The following ZDHHC14 variants were observed in gnomAD, a reference collection of about 807,000 sequenced individuals.
The protein encoded by ZDHHC14 is palmitoyltransferase ZDHHC14.
A neutral mutation model predicts 47.7 loss-of-function variants in ZDHHC14; 16 were observed. The ratio of observed to expected loss-of-function variants is 0.34; its 90% CI spans 0.23 to 0.51. ZDHHC14 has a LOEUF of 0.51. ZDHHC14 is among the 20% of genes least tolerant of loss of function. The pLI is 0.97. For synonymous variants in ZDHHC14, 293 were observed against 278.9 expected (o/e 1.05, Z -0.50); for missense variants, 515 against 662.5 (o/e 0.78, Z 2.44).
At chr6:157,589,215 C>A (rs781119207) in intron 2 of ZDHHC14, among the ~76,000 whole-genome samples, 1 of 152,042 alleles carries the variant, frequency 6.6e-6, no homozygotes, top group Non-Finnish European at 1.5e-5. Context: ...ACCTTTTAAA[C>A]AATGAGATCT....
intron 3 of ZDHHC14, among the ~76,000 whole-genome samples, chr6:157,619,752 A>G (rs1221745559): frequency 6.6e-6 from 1 of 152,150 alleles, no homozygotes; most frequent in Non-Finnish European, 1.5e-5. Context: ...ATGCTGCAGA[A>G]TGTTAATTTA....
intron 1 of ZDHHC14, among the ~76,000 whole-genome samples, chr6:157,515,426 G>A (rs1171692851): frequency 6.6e-6 from 1 of 151,372 alleles, no homozygotes; most frequent in Admixed American, 6.6e-5. Context: ...CGAACTGGGC[G>A]CACCCTTCAT....
chr6:157,601,090 C>T (rs1177948706), intron 3 of ZDHHC14, among the ~76,000 whole-genome samples: 2 of 152,170 alleles, frequency 1.3e-5, no homozygotes, highest in Admixed American at 6.5e-5. Flanking sequence ...GCACGGGGCT[C>T]CTGACCCACA....
intron 2 of ZDHHC14, among the ~76,000 whole-genome samples, chr6:157,560,479 A>T (rs889967006): frequency 4.6e-5 from 7 of 152,246 alleles, no homozygotes; most frequent in Admixed American, 6.5e-5. Flanking sequence ...TACAATTTCA[A>T]TGAAAATATG....
At chr6:157,583,544 T>A (rs1783588963) in intron 2 of ZDHHC14, among the ~76,000 whole-genome samples, 1 of 152,158 alleles carries the variant, frequency 6.6e-6, no homozygotes, top group Non-Finnish European at 1.5e-5. Context: ...TTTTTTTGTT[T>A]TGTTTGTTTT....
rs184872749 is a variant in ZDHHC14, at chr6:157,443,470, A to T, written c.245+61204A>T. On this transcript the variant is annotated intron_variant, in intron 1 of 8. Transcript: ENST00000359775. ...GCTCTGCGGCTATCCCTTGACCTCA[A>T]CCTCAGCATTCTTTTAAGGGAAAGC... is the stretch of plus-strand genomic sequence containing the variant. Among the ~76,000 whole-genome samples the T allele has an allele frequency of 9.9e-5, 15 of 152,238 alleles. No individual in the cohort carries two copies. In the East Asian group the frequency reaches 2.5e-3, roughly 26 times the overall value.
At chr6:157,484,325 ATACGTATATATACAT>A (rs1409573631) in intron 1 of ZDHHC14, among the ~76,000 whole-genome samples, 29 of 136,876 alleles carry the variant, frequency 2.1e-4, no homozygotes, top group Admixed American at 6.0e-4. Flanking sequence ...ACACATATAT[ATACGTATATATACAT>A]TATACGTATA....
At chr6:157,465,145 T>G (rs138308905) in intron 1 of ZDHHC14, among the ~76,000 whole-genome samples, 3,596 of 150,862 alleles carry the variant, frequency 0.024, 56 homozygotes, top group African/African-American at 0.035. Context: ...TAATGGTTGT[T>G]TATTGGGTTG....
chr6:157,634,829 G>A (rs913795120), intron 5 of ZDHHC14, among the ~76,000 whole-genome samples: 2 of 152,228 alleles, frequency 1.3e-5, no homozygotes, highest in African/African-American at 4.8e-5. Context: ...GGAGGGGGAA[G>A]CACTTCCTCG....
At chr6:157,571,744 CA>C (rs1308308135) in intron 2 of ZDHHC14, among the ~76,000 whole-genome samples, 2 of 149,798 alleles carry the variant, frequency 1.3e-5, no homozygotes, top group African/African-American at 4.9e-5. Flanking sequence ...GCCCCTCCTG[CA>C]GATAAGAATC....
At chr6:157,526,679 C>T (rs1332462907) in intron 1 of ZDHHC14, among the ~76,000 whole-genome samples, 1 of 152,144 alleles carries the variant, frequency 6.6e-6, no homozygotes, top group Admixed American at 6.5e-5. Flanking sequence ...AAGGGGCTTC[C>T]CTACATGGCC....
intron 2 of ZDHHC14, among the ~76,000 whole-genome samples, chr6:157,587,236 T>C (rs1366427527): frequency 3.3e-5 from 5 of 152,204 alleles, no homozygotes; most frequent in Non-Finnish European, 7.3e-5. Flanking sequence ...AGGATTATTA[T>C]TAATCTAGGC....
At chr6:157,640,378 C>T (rs145645467) in intron 5 of ZDHHC14, among the ~76,000 whole-genome samples, 4,945 of 152,266 alleles carry the variant, frequency 0.032, 298 homozygotes, top group African/African-American at 0.11. Flanking sequence ...ATCTGAAAGG[C>T]ACAGTGGCCT....
At chr6:157,417,915 C>A (rs1778015812) in intron 1 of ZDHHC14, among the ~76,000 whole-genome samples, 1 of 150,242 alleles carries the variant, frequency 6.7e-6, no homozygotes, top group Non-Finnish European at 1.5e-5. Flanking sequence ...GATTGTGCCA[C>A]TGCACTCCAG....
chr6:157,390,686 AT>A (rs1777404274), intron 1 of ZDHHC14, among the ~76,000 whole-genome samples: 2 of 152,176 alleles, frequency 1.3e-5, no homozygotes, highest in South Asian at 4.1e-4. Flanking sequence ...AATTTTTGAT[AT>A]CTTTTTTTTA....
chr6:157,642,819 A>G (rs555060852), intron 5 of ZDHHC14, among the ~76,000 whole-genome samples: 2 of 152,350 alleles, frequency 1.3e-5, no homozygotes, highest in Non-Finnish European at 2.9e-5. Flanking sequence ...GTGGGCCAGT[A>G]AGGAATGTGT....
At chr6:157,553,175 C>G (rs1296073329) in intron 2 of ZDHHC14, among the ~76,000 whole-genome samples, 1 of 152,142 alleles carries the variant, frequency 6.6e-6, no homozygotes, top group Non-Finnish European at 1.5e-5. Flanking sequence ...TAACCAGATT[C>G]CAGGCGAAGG....
In ZDHHC14 at chr6:157,514,747, C is replaced by T. The variant is rs112402728; in HGVS notation, c.246-27838C>T. ...TGACCTTGGAAGGCTGACCCAGCCT[C>T]TCTTCCCCGCTGGGCGGTGGGGAGT... is the stretch of plus-strand genomic sequence containing the variant. On this transcript the variant is annotated intron_variant, in intron 1 of 8. Coordinates refer to ENST00000359775, the MANE Select transcript of ZDHHC14 (RefSeq NM_024630.3). Among the ~76,000 whole-genome samples the T allele has an allele frequency of 4.4e-3, 664 of 152,334 alleles. 3 individuals carry two copies. The highest frequency in any genetic ancestry group is 0.015 in the African/African-American group (640 of 41,584).
At chr6:157,555,710 C>T (rs1782429885) in intron 2 of ZDHHC14, among the ~76,000 whole-genome samples, 1 of 152,208 alleles carries the variant, frequency 6.6e-6, no homozygotes, top group African/African-American at 2.4e-5. Context: ...TTTACAGCCC[C>T]TGCCCTGTTG....
Sources: allele counts gnomAD v4.1 joint callset (sites outside exome capture counted in the v4.1 genomes callset), GRCh38; gene constraint gnomAD v4.1.1; transcripts MANE v1.5; gene names NCBI Gene and HGNC (gene_info 2026-07-23, HGNC 2026-07-21).